Variants in GRB10 observed in about 807,000 individuals in gnomAD.
GRB10 encodes the protein growth factor receptor-bound protein 10.
In GRB10, 20 loss-of-function variants were observed where a neutral mutation model predicts 80.9. The ratio of observed to expected loss-of-function variants is 0.25; its 90% CI spans 0.17 to 0.36. The LOEUF is 0.36. GRB10 is among the 10% of genes least tolerant of loss of function. GRB10 has a pLI of 1.00. For synonymous variants in GRB10, 291 were observed against 291.5 expected (o/e 1.00, Z 0.02); for missense variants, 548 against 747.7 (o/e 0.73, Z 3.12).
chr7:50,678,674 T>C (rs2061219120), intron 5 of GRB10, among the ~76,000 whole-genome samples: 1 of 152,248 alleles, frequency 6.6e-6, no homozygotes, highest in Admixed American at 6.5e-5. Context: ...CACCATTTTT[T>C]TTTTAATTAC....
intron 7 of GRB10, chr7:50,645,570 G>T: frequency 1.0e-6 from 1 of 981,044 alleles, no homozygotes; most frequent in Non-Finnish European, 1.2e-6. Context: ...AGAAGAATAA[G>T]TACCTGAAAC....
chr7:50,638,213 A>G (rs2055445812), intron 7 of GRB10, among the ~76,000 whole-genome samples: 1 of 152,240 alleles, frequency 6.6e-6, no homozygotes, highest in Non-Finnish European at 1.5e-5. Context: ...AGTTTGGCCT[A>G]GGCAAAGAAT....
At chr7:50,726,556 C>T (rs1205839316) in intron 4 of GRB10, among the ~76,000 whole-genome samples, 1 of 152,030 alleles carries the variant, frequency 6.6e-6, no homozygotes, top group Non-Finnish European at 1.5e-5. Context: ...TAAATATATA[C>T]ATATTTATGT....
rs549283786 is a variant in GRB10 at position 50,723,640 on chromosome 7, T to C, written c.51+8632A>G. On this transcript the variant is annotated intron_variant, in intron 4 of 18. Transcript: ENST00000401949. ...TTCCAGCGAAGTGCCCCTGGTCAAC[T>C]GGGATTTCCTAAGGCCCCACTAGTT... 3.9e-4 allele frequency among the ~76,000 whole-genome samples: 59 copies of C among 152,334 alleles called. No individual in the cohort carries two copies. The South Asian group carries it at 0.012, about 31-fold the overall frequency.
intron 7 of GRB10, among the ~76,000 whole-genome samples, chr7:50,651,387 G>A (rs913633985): frequency 2.6e-5 from 4 of 152,162 alleles, no homozygotes; most frequent in Non-Finnish European, 5.9e-5. Flanking sequence ...GCTTACAGAA[G>A]CATCACTGCA....
chr7:50,691,099 A>G (rs1434434778), intron 5 of GRB10, among the ~76,000 whole-genome samples: 1 of 152,234 alleles, frequency 6.6e-6, no homozygotes, highest in Non-Finnish European at 1.5e-5. Flanking sequence ...AAAGGAAGGA[A>G]TAAGCACAAT....
intron 5 of GRB10, among the ~76,000 whole-genome samples, chr7:50,700,122 G>C (rs1025179324): frequency 1.3e-5 from 2 of 151,940 alleles, no homozygotes; most frequent in African/African-American, 4.8e-5. Flanking sequence ...CTGGATGACA[G>C]AGCGAGACTC....
At chr7:50,624,352 T>C (rs1472683392) in intron 8 of GRB10, among the ~76,000 whole-genome samples, 1 of 152,248 alleles carries the variant, frequency 6.6e-6, no homozygotes, top group East Asian at 1.9e-4. Context: ...GGCCCTTGCG[T>C]CCCTTTCCAA....
intron 3 of GRB10, among the ~76,000 whole-genome samples, chr7:50,752,604 T>C (rs1323625373): frequency 2.6e-5 from 4 of 152,194 alleles, no homozygotes; most frequent in Non-Finnish European, 5.9e-5. Flanking sequence ...GTCATGATAA[T>C]GAGCCCTCCC....
At chr7:50,759,536 A>C (rs185006849) in intron 2 of GRB10, among the ~76,000 whole-genome samples, 2 of 150,084 alleles carry the variant, frequency 1.3e-5, no homozygotes, top group Non-Finnish European at 2.9e-5. Flanking sequence ...TTCTAGATTA[A>C]TTACAATACC....
At chr7:50,757,287 A>G (rs1462353952) in intron 2 of GRB10, among the ~76,000 whole-genome samples, 15 of 152,216 alleles carry the variant, frequency 9.9e-5, no homozygotes, top group Non-Finnish European at 2.2e-4. Flanking sequence ...TCTCTCACGG[A>G]GCTTTTATTA....
chr7:50,648,616 C>T (rs1217229303), intron 7 of GRB10, among the ~76,000 whole-genome samples: 2 of 152,118 alleles, frequency 1.3e-5, no homozygotes, highest in Admixed American at 6.5e-5. Flanking sequence ...ATAGGTCCCC[C>T]TCCCATAGAA....
At chr7:50,637,122 C>A (rs1022695063) in intron 7 of GRB10, among the ~76,000 whole-genome samples, 1 of 152,136 alleles carries the variant, frequency 6.6e-6, no homozygotes, top group Non-Finnish European at 1.5e-5. Context: ...GGACTACAGG[C>A]ATGTGCCATC....
intron 17 of GRB10, among the ~76,000 whole-genome samples, chr7:50,599,598 G>A (rs1314789861): frequency 5.3e-5 from 8 of 152,334 alleles, no homozygotes; most frequent in Middle Eastern, 6.8e-3. Context: ...CCTTGGAGAC[G>A]AGGAAGGCTC....
intron 7 of GRB10, among the ~76,000 whole-genome samples, chr7:50,660,128 C>T (rs2059093294): frequency 6.6e-6 from 1 of 152,148 alleles, no homozygotes; most frequent in Non-Finnish European, 1.5e-5. Context: ...AGTGGTGCCG[C>T]GTTCATGCAG....
chr7:50,598,215 T>C (rs2046986387), intron 17 of GRB10, among the ~76,000 whole-genome samples: 1 of 152,178 alleles, frequency 6.6e-6, no homozygotes, highest in Non-Finnish European at 1.5e-5. Context: ...CTGATGTATA[T>C]ACAGCTTTGT....
chr7:50,776,719 G>T lies in GRB10; in HGVS notation c.-217+3908C>A, dbSNP rs140748970. 6.4e-3 allele frequency among the ~76,000 whole-genome samples: 968 copies of T among 152,234 alleles called. 5 individuals are homozygous for T. The highest frequency in any genetic ancestry group is 0.022 in the African/African-American group (918 of 41,536). On this transcript the variant is annotated intron_variant, in intron 2 of 18. Coordinates refer to ENST00000401949, the MANE Select transcript of GRB10 (RefSeq NM_001350814.2). ...GGCACAATTCAGCCAAGTTCTTTGC[G>T]CCTTTGTAGCAAGGACTGTCTTTCC... is the stretch of plus-strand genomic sequence containing the variant.
chr7:50,623,895 A>T (rs1281222920), intron 8 of GRB10, among the ~76,000 whole-genome samples: 1 of 152,172 alleles, frequency 6.6e-6, no homozygotes, highest in African/African-American at 2.4e-5. Context: ...CAAAATCAGA[A>T]ATGCTTCAAT....
intron 9 of GRB10, among the ~76,000 whole-genome samples, chr7:50,618,530 A>T (rs746699451): frequency 6.6e-6 from 1 of 152,222 alleles, no homozygotes; most frequent in Non-Finnish European, 1.5e-5. Context: ...CCCCAAAAAC[A>T]GTCTTCAAAT....
Sources: gnomAD v4.1 joint callset for allele counts (sites outside exome capture counted in the v4.1 genomes callset) on GRCh38, gnomAD v4.1.1 for gene constraint, MANE v1.5 for transcripts, NCBI Gene and HGNC (gene_info 2026-07-23, HGNC 2026-07-21) for gene names.